The following EIF4G3 variants were observed in gnomAD, a reference collection of about 807,000 sequenced individuals.
EIF4G3 encodes the protein eukaryotic translation initiation factor 4 gamma 3.
EIF4G3 carries 34 observed loss-of-function variants against 186.4 expected under a neutral mutation model. The ratio of observed to expected loss-of-function variants is 0.18; its 90% confidence interval spans 0.14 to 0.24. The LOEUF is 0.24. Ranked by LOEUF, EIF4G3 falls within the 10% of genes least tolerant of loss-of-function variation. The pLI, the probability that EIF4G3 is intolerant of heterozygous loss-of-function variation, is 1.00. For synonymous variants in EIF4G3, 673 were observed against 679.5 expected, an observed-to-expected ratio of 0.99 and a Z score of 0.15; for missense variants, 1,536 against 1,948.5, an observed-to-expected ratio of 0.79 and a Z score of 3.99.
intron 2 of EIF4G3, among the ~76,000 whole-genome samples, chr1:21,162,951 A>G (rs1355855726): frequency 2.6e-5 from 4 of 152,144 alleles, no homozygotes; most frequent in Non-Finnish European, 5.9e-5. Context: ...AAGTTGCCCT[A>G]ACCTCCCCTC....
chr1:20,920,823 T>C (rs1282700228), intron 14 of EIF4G3, among the ~76,000 whole-genome samples: 1 of 152,142 alleles, frequency 6.6e-6, no homozygotes, highest in Non-Finnish European at 1.5e-5. Context: ...CTAGAAATAC[T>C]GTTTCAGAAT....
At chr1:21,036,455 T>C (rs1334012752) in intron 4 of EIF4G3, among the ~76,000 whole-genome samples, 18 of 152,160 alleles carry the variant, frequency 1.2e-4, no homozygotes, top group Admixed American at 1.2e-3. Context: ...GATCCCGTAA[T>C]GTTAGTACAA....
intron 2 of EIF4G3, among the ~76,000 whole-genome samples, chr1:21,148,270 TA>T (rs2102758580): frequency 6.6e-6 from 1 of 152,252 alleles, no homozygotes; most frequent in African/African-American, 2.4e-5. Flanking sequence ...AAGGTCTTGC[TA>T]TGTTGCCCAG....
intron 14 of EIF4G3, among the ~76,000 whole-genome samples, chr1:20,910,938 CTT>C (rs775612328): frequency 6.6e-6 from 1 of 152,150 alleles, no homozygotes; most frequent in Non-Finnish European, 1.5e-5. Flanking sequence ...AGTGGTTTCT[CTT>C]TGTTCTTCAA....
chr1:21,169,217 G>A (rs764326479), intron 2 of EIF4G3, among the ~76,000 whole-genome samples: 2 of 151,674 alleles, frequency 1.3e-5, no homozygotes, highest in African/African-American at 2.4e-5. Flanking sequence ...TTGGGAGGCC[G>A]AGGTGGGCAG....
intron 12 of EIF4G3, among the ~76,000 whole-genome samples, chr1:20,959,157 A>G (rs1236488758): frequency 6.6e-6 from 1 of 152,202 alleles, no homozygotes; most frequent in Non-Finnish European, 1.5e-5. Flanking sequence ...GGTTATAGTT[A>G]ACAAAACAGC....
intron 20 of EIF4G3, among the ~76,000 whole-genome samples, chr1:20,874,133 T>C (rs1198713003): frequency 6.6e-6 from 1 of 152,202 alleles, no homozygotes; most frequent in Non-Finnish European, 1.5e-5. Context: ...CTATTGTAAA[T>C]AGTGCTGCAA....
chr1:20,989,138 T>C (rs1041308658), intron 7 of EIF4G3, among the ~76,000 whole-genome samples: 8 of 132,506 alleles, frequency 6.0e-5, no homozygotes, highest in African/African-American at 1.4e-4. Context: ...GGCCAAAATA[T>C]CAACATTCAC....
chr1:20,988,069 C>G (rs1216970860), intron 7 of EIF4G3, among the ~76,000 whole-genome samples: 1 of 152,172 alleles, frequency 6.6e-6, no homozygotes, highest in African/African-American at 2.4e-5. Context: ...AAAATGTAAT[C>G]CAAAGCAAAG....
chr1:20,858,982 C>A (rs1025648851), intron 24 of EIF4G3, among the ~76,000 whole-genome samples: 1 of 151,986 alleles, frequency 6.6e-6, no homozygotes, highest in Non-Finnish European at 1.5e-5. Context: ...GGCGACAGAG[C>A]GAGACTCATC....
chr1:20,843,374 G>A (rs749148061), intron 29 of EIF4G3, among the ~76,000 whole-genome samples: 3 of 151,848 alleles, frequency 2.0e-5, no homozygotes, highest in South Asian at 2.1e-4. Context: ...AAAATTAGCC[G>A]TGTGTAGTGG....
At chr1:20,870,140 C>A (rs72652940) in intron 20 of EIF4G3, among the ~76,000 whole-genome samples, 6,808 of 152,062 alleles carry the variant, frequency 0.045, 212 homozygotes, top group Non-Finnish European at 0.066. Context: ...TCCAGTTGAC[C>A]GGTCACTCGC....
rs538923162 is a variant in EIF4G3, at chr1:21,001,243, C to T, written c.100G>A (p.Val34Ile). The T allele has an allele frequency of 5.9e-5, 28 of 471,576 alleles. No individual in the cohort carries two copies. Among genetic ancestry groups the T allele is most frequent in the Non-Finnish European group, 9.7e-5 (22 of 227,130 alleles). The allele number at this position is 471,576 out of a possible 1,614,324, so 29.2% of individuals were successfully genotyped here. A position where few individuals can be genotyped will look rare whatever the true frequency, so the allele number is the denominator to read the frequency against. The change falls in exon 6 of 37, where the codon GTT becomes ATT. Residue 34 changes from valine to isoleucine, a missense_variant. By Grantham distance (29) the Val-to-Ile change is conservative. Around this residue, in one of 11 missense-constraint regions of EIF4G3, gnomAD observed 194 missense variants for 212.8 expected, o/e 0.91. Coordinates refer to ENST00000602326, the MANE Select transcript of EIF4G3 (RefSeq NM_001391906.1). ...CCTCTTCCAGCCAAGGACCTGTAAACGGGAGTCTGTTCCAAAACCTTCCTC... is the reference window on the plus strand; with the variant it reads ...CCTCTTCCAGCCAAGGACCTGTAAATGGGAGTCTGTTCCAAAACCTTCCTC... ...KRRKVLEQTP[V>I]YRSLAGRGWI...
In EIF4G3 at chr1:20,904,881, A is replaced by G; in HGVS notation, c.1752+2T>C. ...GAATATGAACTTAAGAGATTTGCTT[A>G]CCTCCAATTCTGCCTCTAACATCTC... On this transcript the variant is annotated splice_donor_variant, in intron 15 of 36. Transcript: ENST00000602326. LOFTEE classifies it high-confidence loss of function. 1.2e-6 allele frequency: 2 copies of G among 1,611,864 alleles called. No individual in the cohort carries two copies. The highest frequency in any genetic ancestry group is 1.7e-6 in the Non-Finnish European group (2 of 1,178,216).
chr1:21,174,313 A>G (rs2098055949), intron 2 of EIF4G3, among the ~76,000 whole-genome samples: 1 of 152,228 alleles, frequency 6.6e-6, no homozygotes, highest in Admixed American at 6.5e-5. Flanking sequence ...GAGCTTTTAT[A>G]AGTCCTTCTA....
Position 21,152,132 on chromosome 1 carries a change from T to C in EIF4G3, c.-272+24043A>G, listed in dbSNP as rs374526528. ...TATAACTGACAGGGAACCAAGCACC[T>C]AGAAAAAGCAGGCAAGCTCAGAAGT... On this transcript the variant is annotated intron_variant, in intron 2 of 36. Coordinates refer to ENST00000602326, the MANE Select transcript of EIF4G3 (RefSeq NM_001391906.1). Among the ~76,000 whole-genome samples, 95 of 152,028 alleles carry C rather than the reference T, an allele frequency of 6.2e-4. 1 individual carries two copies. In the South Asian group the frequency reaches 0.019, roughly 30 times the overall value.
intron 7 of EIF4G3, among the ~76,000 whole-genome samples, chr1:20,992,796 A>G (rs936059682): frequency 5.3e-5 from 8 of 152,174 alleles, no homozygotes; most frequent in Non-Finnish European, 8.8e-5. Context: ...GTGAAACCCC[A>G]AAGTAAAATA....
rs563243420 is a variant in EIF4G3 at position 20,970,992 on chromosome 1, T to C, written c.592-1396A>G. Among the ~76,000 whole-genome samples, 580 of 152,128 alleles carry C rather than the reference T, an allele frequency of 3.8e-3. 7 individuals are homozygous for C. The highest frequency in any genetic ancestry group is 0.014 in the African/African-American group (566 of 41,490). ...AAAAACAGAATGAGGCAGATCTACA[T>C]GAACTGACACAGAATAATCATTAAG... On this transcript the variant is annotated intron_variant, in intron 11 of 36. Transcript: ENST00000602326.
At chr1:20,816,900 A>G (rs934317406) in intron 34 of EIF4G3, among the ~76,000 whole-genome samples, 3 of 131,398 alleles carry the variant, frequency 2.3e-5, no homozygotes. Flanking sequence ...CTGTACTAAG[A>G]AAAATTCTTC....
Sources: gnomAD v4.1 joint callset for allele counts (sites outside exome capture counted in the v4.1 genomes callset) on GRCh38, gnomAD v4.1.1 for gene constraint, gnomAD v4.1.1 regional missense constraint, MANE v1.5 for transcripts, NCBI Gene and HGNC (gene_info 2026-07-23, HGNC 2026-07-21) for gene names.